Variants in PCDHA5 observed in about 807,000 individuals in gnomAD.
PCDHA5 encodes the protein protocadherin alpha-5.
Under a neutral mutation model 61.6 loss-of-function variants are expected in PCDHA5, and 43 were observed. The observed-to-expected ratio is 0.70, with a 90% CI of 0.55 to 0.90. The LOEUF (loss-of-function observed/expected upper bound fraction) is 0.90. Among genes scored for constraint, PCDHA5 ranks in the 40% least tolerant of loss-of-function variants. The pLI, the probability that PCDHA5 is intolerant of heterozygous loss-of-function variation, is 0.00. For synonymous variants in PCDHA5, 627 were observed against 543.9 expected (o/e 1.15, Z -2.13); for missense variants, 1,298 against 1,222.7 (o/e 1.06, Z -0.92).
Position 140,842,808 on chromosome 5 carries a change from A to G in PCDHA5, c.2352+18681A>G. 1.3e-6 allele frequency: 2 copies of G among 1,594,086 alleles called. No individual in the cohort carries two copies. Among genetic ancestry groups the G allele is most frequent in the Non-Finnish European group, 1.7e-6 (2 of 1,165,358 alleles). ...GCGCTGGTGTCCTACTCGCTTGTGG[A>G]GCGGCGGGTGGGCGAGCGCTCGCTG... On this transcript the variant is annotated intron_variant, in intron 1 of 3. Coordinates refer to ENST00000529859, the MANE Select transcript of PCDHA5 (RefSeq NM_018908.3).
At chr5:140,944,003 C>T (rs1185007409) in intron 1 of PCDHA5, among the ~76,000 whole-genome samples, 1 of 152,038 alleles carries the variant, frequency 6.6e-6, no homozygotes, top group Admixed American at 6.6e-5. Flanking sequence ...CTACTGAGTA[C>T]CCCCCAAAAG....
intron 3 of PCDHA5, among the ~76,000 whole-genome samples, chr5:140,985,246 T>C (rs2097143888): frequency 6.6e-6 from 1 of 152,110 alleles, no homozygotes; most frequent in African/African-American, 2.4e-5. Flanking sequence ...CTAATCTTCT[T>C]ACTCTTTTTT....
intron 3 of PCDHA5, among the ~76,000 whole-genome samples, chr5:140,983,911 G>A (rs546792762): frequency 6.6e-6 from 1 of 152,290 alleles, no homozygotes; most frequent in East Asian, 1.9e-4. Flanking sequence ...ATTCTAATCA[G>A]CCAGGATTTG....
At chr5:140,880,737 G>T (rs139077188) in intron 1 of PCDHA5, among the ~76,000 whole-genome samples, 1 of 152,304 alleles carries the variant, frequency 6.6e-6, no homozygotes, top group Non-Finnish European at 1.5e-5. Flanking sequence ...TAGAGAAAAT[G>T]GATTGTCAGT....
chr5:141,008,329 T>C (rs2098370202), intron 3 of PCDHA5, among the ~76,000 whole-genome samples: 1 of 152,192 alleles, frequency 6.6e-6, no homozygotes, highest in Non-Finnish European at 1.5e-5. Context: ...AAACAGTTTA[T>C]TTGATGGAGC....
At chr5:140,883,922 C>T in intron 1 of PCDHA5, 1 of 1,613,240 alleles carries the variant, frequency 6.2e-7, no homozygotes, top group Non-Finnish European at 8.5e-7. Context: ...CGTGACGCTG[C>T]AGGTGTTCGT....
intron 1 of PCDHA5, chr5:140,855,829 C>A: frequency 1.8e-6 from 1 of 560,298 alleles, no homozygotes; most frequent in East Asian, 2.9e-5. Flanking sequence ...CTCATGGAAT[C>A]GTACTTACAC....
chr5:140,933,629 C>G (rs958764636), intron 1 of PCDHA5, among the ~76,000 whole-genome samples: 1 of 151,846 alleles, frequency 6.6e-6, no homozygotes, highest in Non-Finnish European at 1.5e-5. Context: ...TTAGGCTGGC[C>G]CTGTTAAACA....
chr5:140,911,672 C>G (rs1010402307), intron 1 of PCDHA5, among the ~76,000 whole-genome samples: 1 of 152,156 alleles, frequency 6.6e-6, no homozygotes, highest in Non-Finnish European at 1.5e-5. Context: ...TTGCCTCTCA[C>G]GAACCGTGCA....
intron 1 of PCDHA5, chr5:140,841,215 G>C: frequency 7.1e-7 from 1 of 1,415,722 alleles, no homozygotes; most frequent in African/African-American, 1.4e-5. Flanking sequence ...TGTCTCTAAA[G>C]GCCGAACAAC....
chr5:140,835,758 G>C, intron 1 of PCDHA5: 1 of 1,613,438 alleles, frequency 6.2e-7, no homozygotes, highest in East Asian at 2.2e-5. Flanking sequence ...CGCGCAGCCC[G>C]AGTATACGGT....
At chr5:140,924,681 G>T (rs558083953) in intron 1 of PCDHA5, among the ~76,000 whole-genome samples, 1 of 152,180 alleles carries the variant, frequency 6.6e-6, no homozygotes, top group East Asian at 1.9e-4. Flanking sequence ...AATCACTTGA[G>T]GTCAGGAGTT....
At chr5:140,872,589 C>T (rs1242242642) in intron 1 of PCDHA5, among the ~76,000 whole-genome samples, 1 of 151,922 alleles carries the variant, frequency 6.6e-6, no homozygotes, top group African/African-American at 2.4e-5. Flanking sequence ...ATCGTGAGAC[C>T]CCCATCTGAA....
At chr5:140,875,837 A>T in intron 1 of PCDHA5, 1 of 1,614,140 alleles carries the variant, frequency 6.2e-7, no homozygotes, top group Non-Finnish European at 8.5e-7. Context: ...GTGGACGTGG[A>T]GGTGAAGGAC....
At chr5:140,836,777 C>T (rs2150269784) in intron 1 of PCDHA5, 2 of 1,480,486 alleles carry the variant, frequency 1.4e-6, no homozygotes, top group Non-Finnish European at 1.8e-6. Context: ...AATTTTAAAA[C>T]AATTAGTTCA....
At chr5:140,924,903 AAATAAAAT>A (rs1318660055) in intron 1 of PCDHA5, among the ~76,000 whole-genome samples, 2 of 54,856 alleles carry the variant, frequency 3.6e-5, no homozygotes, top group African/African-American at 8.4e-5. Context: ...TCAAAAAAAA[AAATAAAAT>A]AAAATAAAAT....
intron 1 of PCDHA5, among the ~76,000 whole-genome samples, chr5:140,936,711 A>G (rs2091105126): frequency 6.6e-6 from 1 of 152,212 alleles, no homozygotes; most frequent in African/African-American, 2.4e-5. Flanking sequence ...TCTTGTGCCA[A>G]TACATTCTGT....
chr5:140,989,925 T>G (rs2097366658), intron 3 of PCDHA5, among the ~76,000 whole-genome samples: 1 of 151,810 alleles, frequency 6.6e-6, no homozygotes, highest in South Asian at 2.1e-4. Context: ...AGAGCAGAGA[T>G]AGATGACATT....
At chr5:140,909,502 G>A (rs1583705871) in intron 1 of PCDHA5, among the ~76,000 whole-genome samples, 2 of 152,180 alleles carry the variant, frequency 1.3e-5, no homozygotes. Flanking sequence ...CGGGGATGTG[G>A]TGGGAATCAC....
Sources: allele counts gnomAD v4.1 joint callset (sites outside exome capture counted in the v4.1 genomes callset), GRCh38; gene constraint gnomAD v4.1.1; transcripts MANE v1.5; gene names NCBI Gene and HGNC (gene_info 2026-07-23, HGNC 2026-07-21).